ZBTB46: variants seen among roughly 807,000 people sequenced by gnomAD.
ZBTB46 encodes zinc finger and BTB domain containing 46, also known as zinc finger and BTB domain-containing protein 46.
In ZBTB46, 8 loss-of-function variants were observed where a neutral mutation model predicts 44.1. The observed-to-expected ratio is 0.18, with a 90% confidence interval of 0.11 to 0.33. The LOEUF is 0.33. ZBTB46 is among the 10% of genes least tolerant of loss of function. The pLI is 1.00. For missense variants in ZBTB46, 651 were observed against 847.7 expected (o/e 0.77, Z 2.88); for synonymous variants, 409 against 382.3 (o/e 1.07, Z -0.81).
At chr20:63,762,843 C>G (rs62217844) in intron 3 of ZBTB46, among the ~76,000 whole-genome samples, 77,105 of 151,332 alleles carry the variant, frequency 0.51, 20,492 homozygotes, top group African/African-American at 0.64. Context: ...TTAGTGTTTG[C>G]TTGATTCATC....
intron 1 of ZBTB46, among the ~76,000 whole-genome samples, chr20:63,791,298 A>G (rs1407878556): frequency 6.6e-6 from 1 of 152,130 alleles, no homozygotes; most frequent in African/African-American, 2.4e-5. Flanking sequence ...GATCGAGACC[A>G]TCCTGGCCAA....
In ZBTB46 at chr20:63,755,057, G is replaced by C. The variant is rs934038980; in HGVS notation, c.1223-2196C>G. Among the ~76,000 whole-genome samples, 18 of 152,110 alleles carry C rather than the reference G, an allele frequency of 1.2e-4. No homozygotes were observed. The Middle Eastern group carries it at 0.017, about 144-fold the overall frequency. On this transcript the variant is annotated intron_variant, in intron 3 of 4. Transcript: ENST00000245663. ...TAGAAACCCTGTATTTTTTTACCTA[G>C]AAAAACAACTTAGAATGGACATGAG...
chr20:63,789,723 G>A (rs1216695111), intron 2 of ZBTB46, 98 bp downstream of exon 2: 1 of 1,504,738 alleles, frequency 6.6e-7, no homozygotes, highest in Non-Finnish European at 8.8e-7. Flanking sequence ...AGCCACCAGT[G>A]TGAGCCTGGA....
chr20:63,763,382 G>A (rs1018924771), intron 3 of ZBTB46, among the ~76,000 whole-genome samples: 1 of 152,306 alleles, frequency 6.6e-6, no homozygotes, highest in Middle Eastern at 3.4e-3. Flanking sequence ...TATGAGAAAA[G>A]AGGTTTGATT....
chr20:63,786,841 C>CACT (rs1371201142), intron 2 of ZBTB46, among the ~76,000 whole-genome samples: 1 of 152,044 alleles, frequency 6.6e-6, no homozygotes, highest in Non-Finnish European at 1.5e-5. Context: ...AATGGGATTT[C>CACT]ACTACTTTGC....
At chr20:63,785,208 G>A (rs2092503694) in intron 2 of ZBTB46, among the ~76,000 whole-genome samples, 1 of 122,626 alleles carries the variant, frequency 8.2e-6, no homozygotes, top group Admixed American at 1.0e-4. Flanking sequence ...CTCCAGCCCG[G>A]CAACAGAGCG....
chr20:63,747,260 G>A lies in ZBTB46; in HGVS notation c.1440C>T (p.Ser480=). 1 of 1,552,656 alleles carries A rather than the reference G, an allele frequency of 6.4e-7. No individual in the cohort carries two copies. Among genetic ancestry groups the A allele is most frequent in the Non-Finnish European group, 8.7e-7 (1 of 1,150,920 alleles). The change falls in exon 5 of 5, where the codon AGC becomes AGT. Residue 480 remains serine (S), a synonymous_variant. Transcript: ENST00000245663. ...CGCTGGCGGCGGACATGAAGACGCG[G>A]CTGCACACCTTGCACACATACTTCT... ...KDKKYVCKVC[S]RVFMSAASVG... is the part of the protein sequence containing the mutation.
rs753592213 is a variant in ZBTB46, at chr20:63,790,048, T to C, written c.710A>G (p.Gln237Arg). The change falls in exon 2 of 5, where the codon CAG becomes CGG. Residue 237 changes from glutamine to arginine, a missense_variant. Gln to Arg is a conservative substitution (Grantham distance 43, BLOSUM62 1). Transcript: ENST00000245663. ...RIKEEQVSPS[Q>R]YGGSELPSAK... is the part of the protein sequence containing the mutation. ...AGAAGGCAGCTCGCTCCCTCCGTAC[T>C]GAGACGGTGAAACCTGCTCTTCCTT... 6.2e-7 allele frequency: 1 copy of C among 1,614,072 alleles called. No homozygotes were observed. The highest frequency in any genetic ancestry group is 8.5e-7 in the Non-Finnish European group (1 of 1,179,976).
chr20:63,822,914 A>C (rs2092800217), intron 1 of ZBTB46, among the ~76,000 whole-genome samples: 1 of 118,938 alleles, frequency 8.4e-6, no homozygotes, highest in Non-Finnish European at 1.7e-5. Flanking sequence ...TCATCCTAGC[A>C]CTTTGGGAAG....
chr20:63,822,823 G>A (rs1284282114), intron 1 of ZBTB46, among the ~76,000 whole-genome samples: 1 of 152,042 alleles, frequency 6.6e-6, no homozygotes, highest in African/African-American at 2.4e-5. Context: ...AGACCAGCCT[G>A]GGCAACACAG....
At position 63,752,352 on chromosome 20, in the gene ZBTB46, G is replaced by A. The variant is rs2092176086; in HGVS notation, c.1398+334C>T. ...ACAAGGACAGGGTTCTCCCTCCCGA[G>A]GCAGGGCGGGGGCGGGGGGGCGCAG... On this transcript the variant is annotated intron_variant, in intron 4 of 4. Coordinates refer to ENST00000245663, the MANE Select transcript of ZBTB46 (RefSeq NM_001369741.1). This position sits in a 1 kb window ranked among gnomAD's most constrained non-coding sequence, Gnocchi z 5.6. 6.6e-6 allele frequency among the ~76,000 whole-genome samples: 1 copy of A among 152,098 alleles called. No homozygotes were observed. The highest frequency in any genetic ancestry group is 2.4e-5 in the African/African-American group (1 of 41,420).
intron 3 of ZBTB46, among the ~76,000 whole-genome samples, chr20:63,766,173 C>T (rs1023941051): frequency 6.9e-6 from 1 of 144,310 alleles, no homozygotes; most frequent in Non-Finnish European, 1.5e-5. Flanking sequence ...CAGGTTGAGA[C>T]ATATCATCTC....
In ZBTB46 at chr20:63,767,471, C is replaced by T. The variant is rs2092329990; in HGVS notation, c.1222+8207G>A. On this transcript the variant is annotated intron_variant, in intron 3 of 4. Coordinates refer to ENST00000245663, the MANE Select transcript of ZBTB46 (RefSeq NM_001369741.1). This position sits in a 1 kb window ranked among gnomAD's most constrained non-coding sequence, Gnocchi z 5.0. ...ACACCGGCTCCCAGTCACAGCTCTC[C>T]GCAGATATCCCCCTCCGACGCGGCT... Among the ~76,000 whole-genome samples, 1 of 152,126 alleles carries T rather than the reference C, an allele frequency of 6.6e-6. No individual in the cohort carries two copies. Among genetic ancestry groups the T allele is most frequent in the African/African-American group, 2.4e-5 (1 of 41,416 alleles).
At chr20:63,819,969 T>C (rs1208742053) in intron 1 of ZBTB46, among the ~76,000 whole-genome samples, 1 of 152,198 alleles carries the variant, frequency 6.6e-6, no homozygotes, top group Non-Finnish European at 1.5e-5. Flanking sequence ...TGTATTTCCA[T>C]ATATCACCGT....
intron 3 of ZBTB46, among the ~76,000 whole-genome samples, chr20:63,754,551 C>T (rs1568831484): frequency 6.6e-6 from 1 of 152,116 alleles, no homozygotes; most frequent in Non-Finnish European, 1.5e-5. Flanking sequence ...CCGCCTTGGC[C>T]TCCAAAAGTG....
chr20:63,796,287 A>G (rs1217867418), intron 1 of ZBTB46, among the ~76,000 whole-genome samples: 1 of 152,230 alleles, frequency 6.6e-6, no homozygotes, highest in Non-Finnish European at 1.5e-5. Context: ...CGTAGGGCAC[A>G]AGGCAGGGAG....
rs970344017 is a variant in ZBTB46, at chr20:63,767,038, G to C, written c.1222+8640C>G. Among the ~76,000 whole-genome samples the C allele has an allele frequency of 1.2e-4, 19 of 152,234 alleles. No homozygotes were observed. Among genetic ancestry groups the C allele is most frequent in the Admixed American group, 2.0e-4 (3 of 15,280 alleles). ...CACAACCACCTGCTCTGAATAGAAA[G>C]CTGACATTGAACCTAACACGTCCGA... On this transcript the variant is annotated intron_variant, in intron 3 of 4. Transcript: ENST00000245663. This position sits in a 1 kb window ranked among gnomAD's most constrained non-coding sequence, Gnocchi z 5.0.
intron 2 of ZBTB46, among the ~76,000 whole-genome samples, chr20:63,783,406 C>T (rs1166197844): frequency 1.3e-5 from 2 of 152,146 alleles, no homozygotes; most frequent in Admixed American, 6.5e-5. Context: ...TCCAGCCTGG[C>T]GACCGAGCGA....
chr20:63,832,354 C>T (rs1194110539), upstream of ZBTB46, among the ~76,000 whole-genome samples: 1 of 152,212 alleles, frequency 6.6e-6, no homozygotes, highest in East Asian at 1.9e-4. The surrounding 1 kb of genome is among the most constrained non-coding windows in gnomAD (Gnocchi z 5.0). Context: ...AGCCTGTGGC[C>T]GGCAGCCGCG....
Sources: gnomAD v4.1 joint callset for allele counts (sites outside exome capture counted in the v4.1 genomes callset) on GRCh38, gnomAD v4.1.1 for gene constraint, Gnocchi (gnomAD v3.1) non-coding constraint, MANE v1.5 for transcripts, NCBI Gene and HGNC (gene_info 2026-07-23, HGNC 2026-07-21) for gene names.